Variants in CDH10 observed in about 807,000 individuals in gnomAD.
CDH10 encodes cadherin-10.
CDH10 carries 30 observed loss-of-function variants against 73.1 expected under a neutral mutation model. The ratio of observed to expected loss-of-function variants is 0.41; its 90% confidence interval spans 0.31 to 0.56. CDH10 has a LOEUF of 0.56. CDH10 is among the 20% of genes least tolerant of loss of function. CDH10 has a pLI of 0.27. For synonymous variants in CDH10, 345 were observed against 348.2 expected, an observed-to-expected ratio of 0.99 and a Z score of 0.10; for missense variants, 815 against 973.7, an observed-to-expected ratio of 0.84 and a Z score of 2.17.
At chr5:24,537,253 TAAATAAATATGTACTCATGGTAG>T in intron 3 of CDH10, 104 bp downstream of exon 3, 1 of 604,384 alleles carries the variant, frequency 1.7e-6, no homozygotes, top group Non-Finnish European at 2.8e-6. Flanking sequence ...AAAGAAAAAA[TAAATAAATATGTACTCATGGTAG>T]CAAATCAAAG....
Position 24,567,257 on chromosome 5 carries a change from A to C in CDH10, c.231+26003T>G, listed in dbSNP as rs181002890. On this transcript the variant is annotated intron_variant, in intron 2 of 11. Coordinates refer to ENST00000264463, the MANE Select transcript of CDH10 (RefSeq NM_006727.5). ...CTCATGTACTAATTGTGACAGTGTA[A>C]ATTTTTACATATATCCACCTGAGAA... is the stretch of plus-strand genomic sequence containing the variant. 2.4e-3 allele frequency among the ~76,000 whole-genome samples: 363 copies of C among 152,118 alleles called. 3 individuals carry two copies. The highest frequency in any genetic ancestry group is 2.5e-3 in the Non-Finnish European group (173 of 67,952).
chr5:24,504,506 CTTTTTTTTTTTTTTT>C lies in CDH10; in HGVS notation c.1393+591_1393+605del, dbSNP rs70965605. On this transcript the variant is annotated intron_variant, in intron 8 of 11. Coordinates refer to ENST00000264463, the MANE Select transcript of CDH10 (RefSeq NM_006727.5). ...TATTAAATGCTTTTCTCCTATTAAT[CTTTTTTTTTTTTTTT>C]TTTTTTTTTTTTTTTTTTTTTTAAG... is the stretch of plus-strand genomic sequence containing the variant. 1.1e-3 allele frequency among the ~76,000 whole-genome samples: 73 copies of C among 65,166 alleles called. 6 individuals are homozygous for C. The highest frequency in any genetic ancestry group is 8.9e-3 in the Middle Eastern group (1 of 112). 42.8% of individuals were successfully genotyped at this position (65,166 alleles called of 152,430 possible). A position where few individuals can be genotyped will look rare whatever the true frequency, so the allele number is the denominator to read the frequency against.
chr5:24,568,682 G>T (rs963873344), intron 2 of CDH10, among the ~76,000 whole-genome samples: 1 of 152,078 alleles, frequency 6.6e-6, no homozygotes, highest in Non-Finnish European at 1.5e-5. Flanking sequence ...AATTTGAGCA[G>T]ATATTTGTAT....
chr5:24,570,442 G>A (rs1455093127), intron 2 of CDH10, among the ~76,000 whole-genome samples: 3 of 152,080 alleles, frequency 2.0e-5, no homozygotes, highest in Admixed American at 6.5e-5. Flanking sequence ...TCAGTTCAAA[G>A]AGGGACAATT....
chr5:24,527,773 CTG>C (rs531704465), intron 5 of CDH10, among the ~76,000 whole-genome samples: 33 of 151,920 alleles, frequency 2.2e-4, no homozygotes, highest in African/African-American at 7.7e-4. Flanking sequence ...GAGTGCATGA[CTG>C]TATAGTTACA....
chr5:24,572,935 G>GAAAAAAAAAAAAAAAAAAAAAGGGAAAAA (rs1745445799), intron 2 of CDH10, among the ~76,000 whole-genome samples: 1 of 72,116 alleles, frequency 1.4e-5, no homozygotes, highest in African/African-American at 5.5e-5. Context: ...CTTAGAAAAA[G>GAAAAAAAAAAAAAAAAAAAAAGGGAAAAA]AAAAAAAAAA....
intron 5 of CDH10, among the ~76,000 whole-genome samples, chr5:24,531,624 C>T (rs970897979): frequency 2.6e-5 from 4 of 151,972 alleles, no homozygotes; most frequent in Non-Finnish European, 4.4e-5. Flanking sequence ...ATAATACCAT[C>T]GGATCTCATG....
chr5:24,593,152 T>A, intron 2 of CDH10, 108 bp downstream of exon 2: 22 of 657,824 alleles, frequency 3.3e-5, no homozygotes, highest in Non-Finnish European at 5.6e-5. Context: ...TTTAGGGAGA[T>A]TTAAAGAATC....
chr5:24,552,101 T>G (rs543591669), intron 2 of CDH10, among the ~76,000 whole-genome samples: 1 of 152,112 alleles, frequency 6.6e-6, no homozygotes, highest in South Asian at 2.1e-4. Flanking sequence ...ATGAAACATA[T>G]AAGTGCTTCT....
In CDH10 at chr5:24,593,468, A is replaced by T. The variant is rs2112094387; in HGVS notation, c.23T>A (p.Leu8Gln). The T allele has an allele frequency of 1.9e-6, 3 of 1,601,308 alleles. No homozygotes were observed. The highest frequency in any genetic ancestry group is 2.6e-6 in the Non-Finnish European group (3 of 1,168,618). The stretch of plus-strand genomic sequence containing the variant: ...CAGGCATACCCAGAATAGAAACAGT[A>T]GCAAAAATTGATGTATTGTCATAGT... Reference protein sequence around the residue: MTIHQFLLLFLFWVCLPH... With the variant: MTIHQFLQLFLFWVCLPH... The change falls in exon 2 of 12, where the codon CTA becomes CAA. Residue 8 changes from leucine (L) to glutamine (Q), a missense_variant. Around this residue, in one of 3 missense-constraint regions of CDH10, gnomAD observed 58 missense variants for 96.7 expected, o/e 0.60. Transcript: ENST00000264463.
chr5:24,603,523 A>C lies in CDH10; in HGVS notation c.-123-9910T>G, dbSNP rs141582540. Among the ~76,000 whole-genome samples, 3 of 152,316 alleles carry C rather than the reference A, an allele frequency of 2.0e-5. No homozygotes were observed. The East Asian group carries it at 5.8e-4, about 29-fold the overall frequency. ...TTAGTATAATGTTGGCTCAACATTCAAATGCCAATCATTGTTGTAACTGTC... is the reference window on the plus strand; with the variant it reads ...TTAGTATAATGTTGGCTCAACATTCCAATGCCAATCATTGTTGTAACTGTC... On this transcript the variant is annotated intron_variant, in intron 1 of 11. Coordinates refer to ENST00000264463, the MANE Select transcript of CDH10 (RefSeq NM_006727.5).
intron 2 of CDH10, among the ~76,000 whole-genome samples, chr5:24,549,546 AATGACT>A (rs771077196): frequency 2.2e-3 from 300 of 135,130 alleles, no homozygotes; most frequent in Admixed American, 9.5e-3. Context: ...TACACAATGG[AATGACT>A]TTTTTTTTTT....
chr5:24,542,941 T>C (rs936884596), intron 2 of CDH10, among the ~76,000 whole-genome samples: 12 of 152,140 alleles, frequency 7.9e-5, no homozygotes, highest in African/African-American at 2.9e-4. Flanking sequence ...TTTCAACATA[T>C]AAATCTTGGT....
rs1259951136 is a variant in CDH10, at chr5:24,593,633, C to CA, written c.-123-21dup. 2.4e-5 allele frequency: 13 copies of CA among 549,728 alleles called. No homozygotes were observed. The highest frequency in any genetic ancestry group is 1.8e-4 in the South Asian group (7 of 38,796). 34.1% of individuals were successfully genotyped at this position (549,728 alleles called of 1,614,324 possible). On this transcript the variant is annotated intron_variant, in intron 1 of 11. Coordinates refer to ENST00000264463, the MANE Select transcript of CDH10 (RefSeq NM_006727.5). ...CCAAAGCTTCAAACAAACAAACAAA[C>CA]AAAAAAAGTTAGTTGACAACATTAT...
At chr5:24,490,910 T>C (rs1220021562) in intron 11 of CDH10, among the ~76,000 whole-genome samples, 1 of 152,166 alleles carries the variant, frequency 6.6e-6, no homozygotes, top group African/African-American at 2.4e-5. Flanking sequence ...CAACTTAACC[T>C]TTGTCTTTGT....
chr5:24,597,717 T>C (rs1000523171), intron 1 of CDH10, among the ~76,000 whole-genome samples: 3 of 152,048 alleles, frequency 2.0e-5, no homozygotes, highest in African/African-American at 7.2e-5. Context: ...ATCACAAATA[T>C]TATTTTCTCT....
At chr5:24,504,589 G>C (rs1246254124) in intron 8 of CDH10, among the ~76,000 whole-genome samples, 1 of 136,946 alleles carries the variant, frequency 7.3e-6, no homozygotes, top group Non-Finnish European at 1.5e-5. Context: ...GCAGTGGCGC[G>C]ATCTCGGCTC....
intron 2 of CDH10, among the ~76,000 whole-genome samples, chr5:24,579,649 G>A (rs920337059): frequency 6.6e-5 from 10 of 152,088 alleles, no homozygotes; most frequent in African/African-American, 2.4e-4. Context: ...CTTAGCAGCA[G>A]CTTTTGACAA....
intron 2 of CDH10, among the ~76,000 whole-genome samples, chr5:24,551,438 A>G (rs2111952733): frequency 6.6e-6 from 1 of 152,228 alleles, no homozygotes; most frequent in Non-Finnish European, 1.5e-5. Context: ...GTAACAGTTC[A>G]TTTTGTACTA....
Sources: gnomAD v4.1 joint callset for allele counts (sites outside exome capture counted in the v4.1 genomes callset) on GRCh38, gnomAD v4.1.1 for gene constraint, gnomAD v4.1.1 regional missense constraint, MANE v1.5 for transcripts, NCBI Gene and HGNC (gene_info 2026-07-23, HGNC 2026-07-21) for gene names.